MTUS1: variants seen among roughly 807,000 people sequenced by gnomAD.
The protein encoded by MTUS1 is microtubule associated scaffold protein 1.
Under a neutral mutation model 120.8 loss-of-function variants are expected in MTUS1, and 109 were observed. The ratio of observed to expected loss-of-function variants is 0.90; its 90% CI spans 0.77 to 1.06. The LOEUF is 1.06. Among genes scored for constraint, MTUS1 ranks in the 50% least tolerant of loss-of-function variants. MTUS1 has a pLI of 0.00. For synonymous variants in MTUS1, 737 were observed against 550.5 expected (o/e 1.34, Z -4.74); for missense variants, 2,210 against 1,486.3 (o/e 1.49, Z -8.01).
intron 1 of MTUS1, among the ~76,000 whole-genome samples, chr8:17,775,477 C>T (rs184631022): frequency 7.2e-5 from 11 of 152,230 alleles, no homozygotes; most frequent in South Asian, 6.2e-4. Flanking sequence ...GCATGCATCA[C>T]GCCCTACACA....
At chr8:17,727,348 G>A (rs2046290479) in intron 3 of MTUS1, among the ~76,000 whole-genome samples, 1 of 152,170 alleles carries the variant, frequency 6.6e-6, no homozygotes, top group Non-Finnish European at 1.5e-5. Flanking sequence ...TAGAATCCAA[G>A]TGTCTAACCA....
rs977861206 is a variant in MTUS1 at position 17,674,333 on chromosome 8, T to G, written c.2905+853A>C. ...TACTCGGAAGGCTGAGGCAGGAGAATTGCTTGAACCCGGGAGGCGGAGGTT... is the reference window on the plus strand; with the variant it reads ...TACTCGGAAGGCTGAGGCAGGAGAAGTGCTTGAACCCGGGAGGCGGAGGTT... On this transcript the variant is annotated intron_variant, in intron 8 of 14. Transcript: ENST00000693296. The G allele has an allele frequency of 8.5e-5, 26 of 306,450 alleles. 1 individual carries two copies. Among genetic ancestry groups the G allele is most frequent in the Non-Finnish European group, 1.2e-4 (25 of 209,580 alleles). 19.0% of individuals were successfully genotyped at this position (306,450 alleles called of 1,614,324 possible).
intron 5 of MTUS1, among the ~76,000 whole-genome samples, chr8:17,713,748 G>C (rs908625514): frequency 6.6e-6 from 1 of 152,156 alleles, no homozygotes; most frequent in South Asian, 2.1e-4. Context: ...GTACACAGCT[G>C]TAAGTCACTA....
intron 1 of MTUS1, among the ~76,000 whole-genome samples, chr8:17,799,790 T>TA (rs2052533672): frequency 6.6e-6 from 1 of 152,170 alleles, no homozygotes; most frequent in African/African-American, 2.4e-5. Context: ...AAAGAACAGG[T>TA]GAAAAAACGT....
chr8:17,660,439 C>T (rs983046103), intron 8 of MTUS1, among the ~76,000 whole-genome samples: 1 of 152,120 alleles, frequency 6.6e-6, no homozygotes, highest in Non-Finnish European at 1.5e-5. Context: ...TTACCATCCA[C>T]GGACACTTGG....
chr8:17,697,297 A>T (rs776258129), intron 6 of MTUS1: 1 of 1,614,184 alleles, frequency 6.2e-7, no homozygotes, highest in Admixed American at 1.7e-5. Context: ...ACCCTGAAGG[A>T]AGTCGAAGGT....
At chr8:17,700,598 G>A (rs1447539152) in intron 6 of MTUS1, among the ~76,000 whole-genome samples, 1 of 151,958 alleles carries the variant, frequency 6.6e-6, no homozygotes, top group African/African-American at 2.4e-5. Context: ...AAGTATATTG[G>A]AGCAAACATG....
chr8:17,646,821 G>C (rs1805890686), intron 14 of MTUS1, among the ~76,000 whole-genome samples, 161 bp downstream of exon 14: 1 of 152,312 alleles, frequency 6.6e-6, no homozygotes, highest in African/African-American at 2.4e-5. Context: ...GTAAAAGCAT[G>C]AACTACTACA....
rs1201121799 is a variant in MTUS1, at chr8:17,755,400, CA to C, written c.407del (p.Leu136CysfsTer11). ...TGTCATTAGGCTTCCACACAAAAGGCAAAGATGGCTCAACACTCTGGCCCTC... is the reference window on the plus strand; with the variant it reads ...TGTCATTAGGCTTCCACACAAAAGGCAAGATGGCTCAACACTCTGGCCCTC... Reference protein sequence around the residue: ...AVEGQSVEPSLPFVWKPNDNL... With the variant: ...AVEGQSVEPSXPFVWKPNDNL... On this transcript the variant is annotated frameshift_variant, in exon 2 of 15. Transcript: ENST00000693296. LOFTEE classifies it high-confidence loss of function. The C allele has an allele frequency of 7.4e-6, 12 of 1,614,042 alleles. No individual in the cohort carries two copies. Among genetic ancestry groups the C allele is most frequent in the African/African-American group, 2.7e-5 (2 of 74,916 alleles).
At chr8:17,747,212 T>A (rs75720893) in intron 2 of MTUS1, among the ~76,000 whole-genome samples, 3 of 149,494 alleles carry the variant, frequency 2.0e-5, no homozygotes, top group African/African-American at 7.6e-5. Flanking sequence ...CAGGGTTCCA[T>A]TCTCCCAGCT....
At chr8:17,759,621 TTTC>T (rs1185195360) in intron 1 of MTUS1, among the ~76,000 whole-genome samples, 1 of 144,484 alleles carries the variant, frequency 6.9e-6, no homozygotes, top group Non-Finnish European at 1.5e-5. Context: ...AAAAGTTCTC[TTTC>T]TTTTTATATA....
At chr8:17,697,542 C>T in intron 6 of MTUS1, 2 of 1,394,256 alleles carry the variant, frequency 1.4e-6, no homozygotes, top group Non-Finnish European at 1.9e-6. Flanking sequence ...AGAAAAAAAT[C>T]CCCCAGGGCT....
At chr8:17,799,658 C>G (rs983735237) in intron 1 of MTUS1, among the ~76,000 whole-genome samples, 4 of 151,914 alleles carry the variant, frequency 2.6e-5, no homozygotes, top group African/African-American at 9.7e-5. Context: ...ATCTTATAAT[C>G]CTATTATACT....
chr8:17,672,927 A>G (rs1293668329), intron 8 of MTUS1, among the ~76,000 whole-genome samples: 1 of 152,196 alleles, frequency 6.6e-6, no homozygotes, highest in Non-Finnish European at 1.5e-5. Flanking sequence ...GCTGTCCACT[A>G]AAATGTAAAA....
intron 8 of MTUS1, among the ~76,000 whole-genome samples, chr8:17,657,040 C>CA (rs1808440435): frequency 9.6e-6 from 1 of 104,446 alleles, no homozygotes; most frequent in African/African-American, 3.9e-5. Context: ...GCCTGGGCGA[C>CA]AGAGTGAGAT....
intron 1 of MTUS1, among the ~76,000 whole-genome samples, chr8:17,797,322 A>T (rs1017144774): frequency 6.6e-6 from 1 of 152,156 alleles, no homozygotes; most frequent in African/African-American, 2.4e-5. Flanking sequence ...CTGAGGCGGG[A>T]GGATAGCTTG....
At chr8:17,707,069 A>G (rs1458687895) in intron 6 of MTUS1, among the ~76,000 whole-genome samples, 1 of 152,196 alleles carries the variant, frequency 6.6e-6, no homozygotes, top group African/African-American at 2.4e-5. Flanking sequence ...CCATAGTACA[A>G]CGATTAAAAA....
chr8:17,713,062 T>C (rs1821646666), intron 6 of MTUS1, 152 bp downstream of exon 6: 2 of 681,726 alleles, frequency 2.9e-6, no homozygotes, highest in African/African-American at 3.7e-5. Flanking sequence ...CGTATTTTAA[T>C]GCTATGCGAC....
rs199854201 is a variant in MTUS1 at position 17,755,391 on chromosome 8, C to T, written c.417G>A (p.Val139=). The T allele has an allele frequency of 1.0e-4, 161 of 1,614,170 alleles. No individual in the cohort carries two copies. Among genetic ancestry groups the T allele is most frequent in the Middle Eastern group, 8.2e-4 (5 of 6,062 alleles). The change falls in exon 2 of 15, where the codon GTG becomes GTA. Residue 139 remains valine, a synonymous_variant. Transcript: ENST00000693296. The part of the protein sequence containing the change: ...GQSVEPSLPF[V]WKPNDNLNCA... ...AGTTCAAATTGTCATTAGGCTTCCACACAAAAGGCAAAGATGGCTCAACAC... is the reference window on the plus strand; with the variant it reads ...AGTTCAAATTGTCATTAGGCTTCCATACAAAAGGCAAAGATGGCTCAACAC...
Sources: allele counts gnomAD v4.1 joint callset (sites outside exome capture counted in the v4.1 genomes callset), GRCh38; gene constraint gnomAD v4.1.1; transcripts MANE v1.5; gene names NCBI Gene and HGNC (gene_info 2026-07-23, HGNC 2026-07-21).